Variants in ASTN2 observed in about 807,000 individuals in gnomAD.
ASTN2 encodes astrotactin 2, also known as astrotactin-2.
ASTN2 carries 54 observed loss-of-function variants against 139.8 expected under a neutral mutation model. The observed-to-expected ratio is 0.39, with a 90% confidence interval of 0.31 to 0.48. The LOEUF (loss-of-function observed/expected upper bound fraction) is 0.48, where lower values mean the gene tolerates loss of function less well. ASTN2 is among the 20% of genes least tolerant of loss of function. The pLI is 0.95. For missense variants in ASTN2, 1,565 were observed against 1,725.1 expected (o/e 0.91, Z 1.64); for synonymous variants, 756 against 719.5 (o/e 1.05, Z -0.81).
At chr9:116,500,071 A>C (rs1386599153) in intron 19 of ASTN2, among the ~76,000 whole-genome samples, 2 of 152,082 alleles carry the variant, frequency 1.3e-5, no homozygotes, top group African/African-American at 2.4e-5. Context: ...ATGATTGCTT[A>C]TTGATGCCTG....
chr9:117,172,641 G>A (rs1023800363), intron 3 of ASTN2, among the ~76,000 whole-genome samples: 1 of 152,068 alleles, frequency 6.6e-6, no homozygotes, highest in Non-Finnish European at 1.5e-5. Context: ...TGTGATCTGG[G>A]AATGGTCACG....
intron 19 of ASTN2, among the ~76,000 whole-genome samples, chr9:116,499,415 C>T (rs1287833817): frequency 7.2e-5 from 11 of 152,156 alleles, no homozygotes; most frequent in Admixed American, 7.2e-4. Context: ...AGTTTTTGCT[C>T]ATACCCAATG....
At chr9:116,608,617 C>A (rs1855343176) in intron 19 of ASTN2, among the ~76,000 whole-genome samples, 1 of 151,864 alleles carries the variant, frequency 6.6e-6, no homozygotes, top group South Asian at 2.1e-4. Context: ...AGAGTTTGAA[C>A]AAAAGAGTTT....
intron 2 of ASTN2, among the ~76,000 whole-genome samples, chr9:117,290,677 A>G (rs1173755335): frequency 6.6e-6 from 1 of 152,242 alleles, no homozygotes; most frequent in Non-Finnish European, 1.5e-5. Context: ...TGTACAGGAC[A>G]TAGTTCAGGC....
At chr9:117,372,122 G>T (rs1830005702) in intron 1 of ASTN2, among the ~76,000 whole-genome samples, 1 of 152,118 alleles carries the variant, frequency 6.6e-6, no homozygotes. Flanking sequence ...CAATATAGAA[G>T]CTGTAAGAGG....
chr9:117,206,078 C>T (rs1831911306), intron 3 of ASTN2, among the ~76,000 whole-genome samples: 2 of 152,166 alleles, frequency 1.3e-5, no homozygotes, highest in Admixed American at 6.5e-5. Flanking sequence ...TGATAAGAGA[C>T]ACCTGGCATT....
intron 1 of ASTN2, among the ~76,000 whole-genome samples, chr9:117,341,498 G>A (rs1322490704): frequency 1.3e-5 from 2 of 152,144 alleles, no homozygotes; most frequent in Non-Finnish European, 2.9e-5. Flanking sequence ...AAATCATAAA[G>A]TAGCAAACGA....
chr9:117,179,452 A>G (rs770565023), intron 3 of ASTN2, among the ~76,000 whole-genome samples: 2 of 152,072 alleles, frequency 1.3e-5, no homozygotes, highest in Non-Finnish European at 2.9e-5. Flanking sequence ...ACCAGTCTCC[A>G]AGAGGTAAAA....
At chr9:116,752,479 T>A (rs1829425643) in intron 13 of ASTN2, among the ~76,000 whole-genome samples, 1 of 152,230 alleles carries the variant, frequency 6.6e-6, no homozygotes, top group African/African-American at 2.4e-5. Flanking sequence ...TTTGATTATG[T>A]GTTTTTAGAT....
chr9:117,014,252 G>A (rs1028766146), intron 6 of ASTN2, among the ~76,000 whole-genome samples: 2 of 152,086 alleles, frequency 1.3e-5, no homozygotes, highest in African/African-American at 4.8e-5. Context: ...GGTCCACAGA[G>A]CCCCAAGTCA....
At chr9:116,604,871 G>A (rs956818487) in intron 19 of ASTN2, among the ~76,000 whole-genome samples, 1 of 152,142 alleles carries the variant, frequency 6.6e-6, no homozygotes, top group South Asian at 2.1e-4. Context: ...AATGATAACA[G>A]GGACAGAGAA....
At chr9:116,891,434 A>G (rs1833758717) in intron 10 of ASTN2, among the ~76,000 whole-genome samples, 1 of 152,250 alleles carries the variant, frequency 6.6e-6, no homozygotes, top group Non-Finnish European at 1.5e-5. Flanking sequence ...AGTGTTTACT[A>G]TGTGTCAAGC....
chr9:116,495,326 T>C (rs1206656406), intron 19 of ASTN2, among the ~76,000 whole-genome samples: 3 of 152,136 alleles, frequency 2.0e-5, no homozygotes, highest in Non-Finnish European at 1.5e-5. Context: ...CCAATCTCAG[T>C]CTAAACAATT....
intron 17 of ASTN2, among the ~76,000 whole-genome samples, chr9:116,634,450 C>T (rs1265436516): frequency 6.6e-6 from 1 of 151,614 alleles, no homozygotes; most frequent in East Asian, 1.9e-4. Flanking sequence ...ATTAGCCGGG[C>T]GTGGTAGCGG....
chr9:117,251,909 G>A, intron 2 of ASTN2, among the ~76,000 whole-genome samples: 1 of 152,154 alleles, frequency 6.6e-6, no homozygotes, highest in East Asian at 1.9e-4. Flanking sequence ...GGAATTGGGA[G>A]CTCACTAAGA....
chr9:117,244,009 C>G (rs965416570), intron 2 of ASTN2, among the ~76,000 whole-genome samples: 2 of 152,134 alleles, frequency 1.3e-5, no homozygotes, highest in African/African-American at 4.8e-5. Flanking sequence ...GTGTCCCCCA[C>G]TCACTATCAT....
chr9:117,043,470 C>T (rs1054214131), intron 5 of ASTN2, among the ~76,000 whole-genome samples: 12 of 152,148 alleles, frequency 7.9e-5, no homozygotes, highest in Admixed American at 6.6e-5. Context: ...TACACTACCC[C>T]GGCTCCACAG....
chr9:116,759,275 A>G (rs926494039), intron 13 of ASTN2, among the ~76,000 whole-genome samples: 5 of 152,210 alleles, frequency 3.3e-5, no homozygotes, highest in East Asian at 1.9e-4. Context: ...GAAGAAAAGT[A>G]TGTGTGAGAA....
chr9:117,191,289 G>A (rs771767524), intron 3 of ASTN2, among the ~76,000 whole-genome samples: 32 of 148,342 alleles, frequency 2.2e-4, no homozygotes, highest in Non-Finnish European at 8.9e-5. Context: ...AAGCAGTCAT[G>A]AGATAGAATT....
Sources: gnomAD v4.1 joint callset for allele counts (sites outside exome capture counted in the v4.1 genomes callset) on GRCh38, gnomAD v4.1.1 for gene constraint, MANE v1.5 for transcripts, NCBI Gene and HGNC (gene_info 2026-07-23, HGNC 2026-07-21) for gene names.